Variants in QTMAN observed in about 807,000 individuals in gnomAD.
The protein encoded by QTMAN is queuosine-tRNA mannosyltransferase.
At chr2:144,178,329 C>T in the QTMAN span, 1 of 152,032 alleles carries the variant, frequency 6.6e-6, no homozygotes, top group Admixed American at 6.6e-5. Context: ...CACACATAAG[C>T]AATCAGTGAG....
chr2:144,154,290 C>T, the QTMAN span, among the ~76,000 whole-genome samples: 1 of 152,092 alleles, frequency 6.6e-6, no homozygotes, highest in Admixed American at 6.5e-5. Flanking sequence ...TAGGAAGCAT[C>T]CTAAATAACA....
At chr2:144,056,737 A>T in the QTMAN span, among the ~76,000 whole-genome samples, 2 of 152,226 alleles carry the variant, frequency 1.3e-5, no homozygotes, top group Admixed American at 6.5e-5. Flanking sequence ...AAGGAGAGTG[A>T]AGTCTACATG....
the QTMAN span, among the ~76,000 whole-genome samples, chr2:144,098,089 T>C: frequency 2.0e-5 from 3 of 152,124 alleles, no homozygotes; most frequent in African/African-American, 7.2e-5. Context: ...GCTGCGGAGG[T>C]GCTATGTAAG....
the QTMAN span, among the ~76,000 whole-genome samples, chr2:144,205,280 T>A: frequency 6.6e-6 from 1 of 152,204 alleles, no homozygotes; most frequent in East Asian, 1.9e-4. Context: ...AGGGGTTCTG[T>A]CCTCATGCTT....
the QTMAN span, among the ~76,000 whole-genome samples, chr2:144,295,787 AT>A: frequency 6.6e-6 from 1 of 151,466 alleles, no homozygotes; most frequent in East Asian, 1.9e-4. Context: ...TAATTTTTAA[AT>A]TTTTTTGTAG....
the QTMAN span, chr2:143,952,207 A>G: frequency 3.2e-6 from 2 of 625,978 alleles, no homozygotes; most frequent in South Asian, 3.9e-5. Context: ...GCATGATTTT[A>G]TAAGGTTACC....
At chr2:144,235,699 T>C in the QTMAN span, 343 of 152,672 alleles carry the variant, frequency 2.2e-3, 1 homozygote, top group Middle Eastern at 6.8e-3. Flanking sequence ...TATACTGATG[T>C]CCCTTTACAT....
chr2:144,147,088 T>C, the QTMAN span, among the ~76,000 whole-genome samples: 1 of 151,898 alleles, frequency 6.6e-6, no homozygotes, highest in Non-Finnish European at 1.5e-5. Flanking sequence ...GGTGTTTATA[T>C]GATCTGCCGC....
the QTMAN span, among the ~76,000 whole-genome samples, chr2:144,311,393 G>C: frequency 6.6e-6 from 1 of 152,118 alleles, no homozygotes; most frequent in Non-Finnish European, 1.5e-5. Context: ...TAACCATCCA[G>C]GTACTAAAGT....
chr2:144,205,874 T>G, the QTMAN span, among the ~76,000 whole-genome samples: 2 of 152,238 alleles, frequency 1.3e-5, no homozygotes, highest in Non-Finnish European at 2.9e-5. Context: ...AACTTTTTTC[T>G]GTATCCTGTG....
At chr2:144,162,765 A>G in the QTMAN span, among the ~76,000 whole-genome samples, 2 of 152,150 alleles carry the variant, frequency 1.3e-5, no homozygotes, top group African/African-American at 4.8e-5. Flanking sequence ...TCTTGGATGG[A>G]TAAAACTATA....
the QTMAN span, among the ~76,000 whole-genome samples, chr2:143,967,547 T>C: frequency 6.6e-6 from 1 of 152,040 alleles, no homozygotes; most frequent in African/African-American, 2.4e-5. Context: ...GCCAGGCTGG[T>C]CTTGAGCTCC....
chr2:144,101,479 C>T, the QTMAN span, among the ~76,000 whole-genome samples: 2 of 152,170 alleles, frequency 1.3e-5, no homozygotes, highest in South Asian at 2.1e-4. Context: ...GATATGCTTA[C>T]CCCACGCTTC....
chr2:144,223,605 T>A, the QTMAN span, among the ~76,000 whole-genome samples: 1 of 152,208 alleles, frequency 6.6e-6, no homozygotes, highest in Non-Finnish European at 1.5e-5. Context: ...CTAAAAGCCA[T>A]ATAACAATAT....
chr2:144,107,675 A>G, the QTMAN span, among the ~76,000 whole-genome samples: 2 of 152,228 alleles, frequency 1.3e-5, no homozygotes, highest in Admixed American at 6.5e-5. Flanking sequence ...TACCAGAGGT[A>G]CAAGGAGGAG....
At chr2:144,246,811 T>A in the QTMAN span, among the ~76,000 whole-genome samples, 3 of 152,202 alleles carry the variant, frequency 2.0e-5, no homozygotes, top group East Asian at 3.9e-4. Context: ...TTACAGTTTT[T>A]AAAATATGAC....
chr2:144,331,801 G>A, the QTMAN span, among the ~76,000 whole-genome samples: 1 of 152,224 alleles, frequency 6.6e-6, no homozygotes, highest in Non-Finnish European at 1.5e-5. Context: ...TCAGACGAGG[G>A]ATTCCGGGGT....
the QTMAN span, among the ~76,000 whole-genome samples, chr2:144,264,423 T>A: frequency 5.9e-5 from 9 of 152,192 alleles, no homozygotes; most frequent in Non-Finnish European, 1.3e-4. Context: ...AATCTCATAT[T>A]TTCAGGGGGC....
chr2:143,996,519 C>T, the QTMAN span, among the ~76,000 whole-genome samples: 1 of 152,082 alleles, frequency 6.6e-6, no homozygotes, highest in African/African-American at 2.4e-5. Context: ...GAAACAATTT[C>T]TCCATTAAAA....
Sources: allele counts gnomAD v4.1 joint callset (sites outside exome capture counted in the v4.1 genomes callset), GRCh38; gene constraint gnomAD v4.1.1; transcripts MANE v1.5; gene names NCBI Gene and HGNC (gene_info 2026-07-23, HGNC 2026-07-21).